The following CES5A variants were observed in gnomAD, a reference collection of about 807,000 sequenced individuals.
CES5A encodes carboxylesterase 5A.
Under a neutral mutation model 62.9 loss-of-function variants are expected in CES5A, and 67 were observed. The ratio of observed to expected loss-of-function variants is 1.07; its 90% CI spans 0.88 to 1.31. The LOEUF is 1.31. Among genes scored for constraint, CES5A ranks in the 50% most tolerant of loss-of-function variants. The pLI is 0.00. For synonymous variants in CES5A, 296 were observed against 280.8 expected, an observed-to-expected ratio of 1.05 and a Z score of -0.54; for missense variants, 748 against 708.5, an observed-to-expected ratio of 1.06 and a Z score of -0.63.
At chr16:55,889,603 C>G (rs1190099619) in intron 1 of CES5A, among the ~76,000 whole-genome samples, 1 of 152,094 alleles carries the variant, frequency 6.6e-6, no homozygotes, top group African/African-American at 2.4e-5. Context: ...ACCTGCCCCA[C>G]CCCTGACCCT....
At chr16:55,890,370 AT>A (rs1191586935) in intron 1 of CES5A, among the ~76,000 whole-genome samples, 37 of 71,830 alleles carry the variant, frequency 5.2e-4, no homozygotes, top group Admixed American at 6.3e-4. Context: ...GTGGGCTTGA[AT>A]TTTTTTTTTT....
At chr16:55,942,358 C>T (rs779778726) in intron 2 of CES5A, among the ~76,000 whole-genome samples, 2 of 152,066 alleles carry the variant, frequency 1.3e-5, no homozygotes, top group African/African-American at 4.8e-5. Flanking sequence ...TAAAGAATTC[C>T]TACAAATCAA....
At chr16:55,941,780 C>T (rs1449828835) in intron 2 of CES5A, among the ~76,000 whole-genome samples, 3 of 152,080 alleles carry the variant, frequency 2.0e-5, no homozygotes, top group Non-Finnish European at 4.4e-5. Context: ...ACATAGATAG[C>T]ATAAGGGAGT....
chr16:55,941,745 G>T (rs1460014600), intron 2 of CES5A, among the ~76,000 whole-genome samples: 3 of 152,066 alleles, frequency 2.0e-5, no homozygotes, highest in African/African-American at 7.2e-5. Flanking sequence ...AGTCCAGATA[G>T]TGTGGTGTCA....
At chr16:55,885,940 G>T (rs2033811062) in intron 1 of CES5A, among the ~76,000 whole-genome samples, 2 of 152,214 alleles carry the variant, frequency 1.3e-5, no homozygotes, top group African/African-American at 4.8e-5. Context: ...AGCAAGTCTG[G>T]CTAGCACAAG....
At position 55,849,673 on chromosome 16, in the gene CES5A, G is replaced by A. The variant is rs751110837; in HGVS notation, c.1374C>T (p.Val458=). ...GGAAGGCACCACCGAACACAAAGCGGACTTCATCAGCGTGGTCGGCTTTGA... is the reference window on the plus strand; with the variant it reads ...GGAAGGCACCACCGAACACAAAGCGAACTTCATCAGCGTGGTCGGCTTTGA... ...AFVKADHADE[V]RFVFGGAFLK... The change falls in exon 11 of 13, where the codon GTC becomes GTT. Residue 458 remains valine, a synonymous_variant. Coordinates refer to ENST00000290567, the MANE Select transcript of CES5A (RefSeq NM_001143685.2). The A allele has an allele frequency of 1.9e-6, 3 of 1,613,860 alleles. No homozygotes were observed. Among genetic ancestry groups the A allele is most frequent in the African/African-American group, 1.3e-5 (1 of 74,926 alleles).
intron 1 of CES5A, among the ~76,000 whole-genome samples, chr16:55,952,024 A>T (rs187443308): frequency 6.6e-6 from 1 of 152,168 alleles, no homozygotes; most frequent in African/African-American, 2.4e-5. Context: ...CATTCAAAAA[A>T]AATTACTCAC....
At chr16:55,852,719 A>G (rs549970359) in intron 10 of CES5A, among the ~76,000 whole-genome samples, 162 bp downstream of exon 10, 1 of 152,322 alleles carries the variant, frequency 6.6e-6, no homozygotes, top group African/African-American at 2.4e-5. Context: ...CAGGTGAATG[A>G]CGCAGGTCCC....
rs531609351 is a variant in CES5A at position 55,907,622 on chromosome 16, G to A, written c.-256+17701C>T. ...CGTGGTTCTGGGGCTCAGGGAGCAC[G>A]TGACATAGGCCCTCAGGGAAGGGGC... On this transcript the variant is annotated intron_variant, in intron 1 of 12. Coordinates refer to the CES5A transcript ENST00000518005. Among the ~76,000 whole-genome samples, 22 of 152,312 alleles carry A rather than the reference G, an allele frequency of 1.4e-4. No individual in the cohort carries two copies. In the South Asian group the frequency reaches 2.9e-3, roughly 20 times the overall value.
At chr16:55,922,483 C>T (rs2034215700) in intron 1 of CES5A, among the ~76,000 whole-genome samples, 1 of 151,876 alleles carries the variant, frequency 6.6e-6, no homozygotes, top group African/African-American at 2.4e-5. Flanking sequence ...GTCAATTCAG[C>T]AAAACGATAT....
chr16:55,866,860 T>C (rs1329904784), intron 4 of CES5A, among the ~76,000 whole-genome samples: 6 of 151,390 alleles, frequency 4.0e-5, no homozygotes, highest in African/African-American at 1.2e-4. Flanking sequence ...AATAAAAAAA[T>C]AAACAAACAA....
At chr16:55,881,528 C>T (rs1173350911) in intron 1 of CES5A, among the ~76,000 whole-genome samples, 2 of 152,166 alleles carry the variant, frequency 1.3e-5, no homozygotes, top group Non-Finnish European at 2.9e-5. Flanking sequence ...TGCTAATATG[C>T]TATGAGAGTG....
intron 1 of CES5A, among the ~76,000 whole-genome samples, chr16:55,923,700 C>T (rs549623457): frequency 5.3e-5 from 8 of 151,550 alleles, no homozygotes; most frequent in Non-Finnish European, 8.9e-5. Context: ...AAATCAAATA[C>T]GGACACAATG....
At chr16:55,871,894 A>G (rs181260793) in intron 2 of CES5A, 131 bp from the exon 3 acceptor site, 131 of 886,798 alleles carry the variant, frequency 1.5e-4, no homozygotes, top group Non-Finnish European at 1.3e-4. Flanking sequence ...CTACCGGTAC[A>G]AAGTCCAATC....
At chr16:55,860,673 C>A (rs1294513880) in intron 7 of CES5A, among the ~76,000 whole-genome samples, 1 of 152,178 alleles carries the variant, frequency 6.6e-6, no homozygotes, top group Non-Finnish European at 1.5e-5. Context: ...CAGCCCTAGT[C>A]ATGGTTTCTT....
chr16:55,853,042 G>T lies in CES5A; in HGVS notation c.1126-14C>A. The T allele has an allele frequency of 6.2e-7, 1 of 1,613,564 alleles. No individual in the cohort carries two copies. The highest frequency in any genetic ancestry group is 8.5e-7 in the Non-Finnish European group (1 of 1,179,704). On this transcript the variant is annotated splice_polypyrimidine_tract_variant and intron_variant, in intron 9 of 12. Transcript: ENST00000290567. ...AGGCGGGATGTGCTGTAAAAATATCGTAGTCCTAGGAGATCCAGGTCAACC... is the reference window on the plus strand; with the variant it reads ...AGGCGGGATGTGCTGTAAAAATATCTTAGTCCTAGGAGATCCAGGTCAACC...
In CES5A at chr16:55,846,416, G is replaced by A. The variant is rs1215052072; in HGVS notation, c.*35C>T. ...ATGATTGCGGGAGAAATTATGGGAGGAGAAGGGAAACCAAAATCACAGAAA... is the reference window on the plus strand; with the variant it reads ...ATGATTGCGGGAGAAATTATGGGAGAAGAAGGGAAACCAAAATCACAGAAA... On this transcript the variant is annotated 3_prime_UTR_variant, in exon 13 of 13. Coordinates refer to ENST00000290567, the MANE Select transcript of CES5A (RefSeq NM_001143685.2). 10 of 1,527,978 alleles carry A rather than the reference G, an allele frequency of 6.5e-6. No homozygotes were observed. Among genetic ancestry groups the A allele is most frequent in the Non-Finnish European group, 9.1e-6 (10 of 1,104,188 alleles). 94.7% of individuals were successfully genotyped at this position (1,527,978 alleles called of 1,614,324 possible).
In CES5A at chr16:55,853,016, G is replaced by A. The variant is rs1176170350; in HGVS notation, c.1138C>T (p.Gln380Ter). Residue 380 changes from glutamine to a stop codon, truncating the protein, a stop_gained, in exon 10 of 13, where the codon CAG becomes TAG. Transcript: ENST00000290567. LOFTEE classifies it high-confidence loss of function. ...TCATTAGCCACAAGGTGCAAATACT[G>A]AGGCGGGATGTGCTGTAAAAATATC... Reference protein sequence around the residue: ...LIQNILHIPPQYLHLVANEYF... With the variant: ...LIQNILHIPP The A allele has an allele frequency of 1.2e-6, 2 of 1,614,136 alleles. No individual in the cohort carries two copies. The highest frequency in any genetic ancestry group is 1.7e-5 in the Admixed American group (1 of 60,018).
At chr16:55,864,566 G>A (rs1225569555) in intron 5 of CES5A, among the ~76,000 whole-genome samples, 4 of 151,962 alleles carry the variant, frequency 2.6e-5, no homozygotes, top group African/African-American at 4.8e-5. Context: ...AATTATGTCT[G>A]GAAAAAAAAT....
Sources: gnomAD v4.1 joint callset for allele counts (sites outside exome capture counted in the v4.1 genomes callset) on GRCh38, gnomAD v4.1.1 for gene constraint, MANE v1.5 for transcripts, NCBI Gene and HGNC (gene_info 2026-07-23, HGNC 2026-07-21) for gene names.